The following MAML2 variants were observed in gnomAD, a reference collection of about 807,000 sequenced individuals.
The protein encoded by MAML2 is mastermind like transcriptional coactivator 2.
Under a neutral mutation model 96.1 loss-of-function variants are expected in MAML2, and 22 were observed. The observed-to-expected ratio is 0.23, with a 90% CI of 0.16 to 0.33. The LOEUF is 0.33. Ranked by LOEUF, MAML2 falls within the 10% of genes least tolerant of loss-of-function variation. The pLI is 1.00. For synonymous variants in MAML2, 561 were observed against 521.3 expected, an observed-to-expected ratio of 1.08 and a Z score of -1.04; for missense variants, 1,367 against 1,392.4, an observed-to-expected ratio of 0.98 and a Z score of 0.29.
At chr11:96,211,742 C>G (rs79006062) in intron 1 of MAML2, among the ~76,000 whole-genome samples, 2 of 152,062 alleles carry the variant, frequency 1.3e-5, no homozygotes, top group Non-Finnish European at 2.9e-5. Context: ...GAGCTCTAAT[C>G]CTGGAAATTG....
chr11:96,166,182 C>CACACACACAT (rs1241471222), intron 1 of MAML2, among the ~76,000 whole-genome samples: 15 of 145,106 alleles, frequency 1.0e-4, no homozygotes, highest in Admixed American at 4.2e-4. Flanking sequence ...CTCTCTCACA[C>CACACACACAT]ACACACACAC....
At chr11:96,180,082 G>A (rs1489197348) in intron 1 of MAML2, among the ~76,000 whole-genome samples, 1 of 152,208 alleles carries the variant, frequency 6.6e-6, no homozygotes, top group Non-Finnish European at 1.5e-5. Flanking sequence ...CCCTTCTGGA[G>A]TAATACTGAA....
chr11:96,327,304 T>G (rs1863798802), intron 1 of MAML2, among the ~76,000 whole-genome samples: 1 of 152,216 alleles, frequency 6.6e-6, no homozygotes, highest in Non-Finnish European at 1.5e-5. Context: ...AATGGGGGTC[T>G]CCTGTCACTC....
chr11:96,055,435 A>G (rs114758481), intron 2 of MAML2, among the ~76,000 whole-genome samples: 2,830 of 152,308 alleles, frequency 0.019, 89 homozygotes, highest in African/African-American at 0.065. Context: ...AGGGGGGAAA[A>G]AAAAGAGCCA....
chr11:96,154,636 A>G (rs1451922187), intron 1 of MAML2, among the ~76,000 whole-genome samples: 1 of 152,220 alleles, frequency 6.6e-6, no homozygotes, highest in Admixed American at 6.5e-5. Context: ...ATCTCAGTTC[A>G]GTTCAGTTCA....
At chr11:96,143,983 C>T (rs1860773962) in intron 1 of MAML2, among the ~76,000 whole-genome samples, 1 of 152,156 alleles carries the variant, frequency 6.6e-6, no homozygotes, top group South Asian at 2.1e-4. Flanking sequence ...CACAATTGCA[C>T]TAAGTATCAT....
intron 1 of MAML2, among the ~76,000 whole-genome samples, chr11:96,309,797 C>T (rs1863512749): frequency 6.6e-6 from 1 of 151,482 alleles, no homozygotes; most frequent in Non-Finnish European, 1.5e-5. Flanking sequence ...TCTCCAGGCT[C>T]AGGTATTCCT....
chr11:96,046,101 T>C (rs1174272424), intron 2 of MAML2, among the ~76,000 whole-genome samples: 4 of 152,024 alleles, frequency 2.6e-5, no homozygotes, highest in African/African-American at 4.8e-5. Flanking sequence ...TAAGAGAAAC[T>C]GGCAGGAGTA....
chr11:96,007,792 C>T (rs1480568007), intron 2 of MAML2, among the ~76,000 whole-genome samples: 6 of 147,834 alleles, frequency 4.1e-5, no homozygotes, highest in South Asian at 2.1e-4. Context: ...AACCAAACAC[C>T]GCATATTCTC....
At chr11:96,291,056 A>T (rs117399880) in intron 1 of MAML2, among the ~76,000 whole-genome samples, 4,314 of 151,944 alleles carry the variant, frequency 0.028, 80 homozygotes, top group South Asian at 0.048. Flanking sequence ...AAGACTTGAA[A>T]AATAGAATTA....
intron 1 of MAML2, among the ~76,000 whole-genome samples, chr11:96,316,216 T>C (rs1177428910): frequency 6.6e-6 from 1 of 152,200 alleles, no homozygotes; most frequent in African/African-American, 2.4e-5. Flanking sequence ...GTCAGGGTAC[T>C]TGCTTGCCCA....
intron 1 of MAML2, among the ~76,000 whole-genome samples, chr11:96,185,276 T>C (rs1861556139): frequency 6.6e-6 from 1 of 152,162 alleles, no homozygotes; most frequent in Non-Finnish European, 1.5e-5. Context: ...GGAACTGCCT[T>C]TCTAGAAAAG....
At chr11:96,114,037 A>G (rs546057174) in intron 1 of MAML2, among the ~76,000 whole-genome samples, 1 of 150,976 alleles carries the variant, frequency 6.6e-6, no homozygotes, top group African/African-American at 2.4e-5. Flanking sequence ...AAAAAAAATC[A>G]GGGAAACAGG....
chr11:96,331,749 C>A (rs747392646), intron 1 of MAML2, among the ~76,000 whole-genome samples: 5 of 145,184 alleles, frequency 3.4e-5, no homozygotes, highest in African/African-American at 1.3e-4. Context: ...ACCCAGGAGG[C>A]GGCGGTTGCA....
intron 1 of MAML2, among the ~76,000 whole-genome samples, chr11:96,272,205 T>C (rs1200149063): frequency 1.3e-5 from 2 of 152,220 alleles, no homozygotes; most frequent in Non-Finnish European, 2.9e-5. Flanking sequence ...TTTTCTCTGC[T>C]AGAATGTAAG....
At position 96,102,751 on chromosome 11, in the gene MAML2, T is replaced by C. The variant is rs145772894; in HGVS notation, c.514-9234A>G. 2.1e-4 allele frequency among the ~76,000 whole-genome samples: 32 copies of C among 152,316 alleles called. No homozygotes were observed. The East Asian group carries it at 6.2e-3, about 29-fold the overall frequency. ...TCATCCTGACTAGTTACTGCAATTG[T>C]TATAAAGCAAGGATCTGAGGGGACA... is the stretch of plus-strand genomic sequence containing the variant. On this transcript the variant is annotated intron_variant, in intron 1 of 4. Transcript: ENST00000524717.
intron 2 of MAML2, among the ~76,000 whole-genome samples, chr11:96,002,426 T>G (rs1298518120): frequency 2.0e-5 from 3 of 152,164 alleles, no homozygotes; most frequent in African/African-American, 4.8e-5. Context: ...TTTTTATGGG[T>G]GTGCCACCTT....
At position 96,091,990 on chromosome 11, in the gene MAML2, T is replaced by G; in HGVS notation, c.2041A>C (p.Arg681=). 1 of 1,595,880 alleles carries G rather than the reference T, an allele frequency of 6.3e-7. No individual in the cohort carries two copies. The highest frequency in any genetic ancestry group is 8.5e-7 in the Non-Finnish European group (1 of 1,170,822). The change falls in exon 2 of 5, where the codon AGG becomes CGG. Residue 681 remains arginine, a synonymous_variant. Transcript: ENST00000524717. ...AQSLPSQPLL[R]SPLPLQQKLL... ...TTTTGCTGAAGTGGCAAAGGTGACC[T>G]TAGCAAAGGCTGGCTTGGTAGAGAT... is the stretch of plus-strand genomic sequence containing the variant.
intron 1 of MAML2, among the ~76,000 whole-genome samples, chr11:96,225,694 G>A (rs977745270): frequency 2.1e-4 from 32 of 152,108 alleles, no homozygotes; most frequent in Admixed American, 1.4e-3. Context: ...TTAGCTGGGC[G>A]TGGTGGCGGA....
Sources: allele counts gnomAD v4.1 joint callset (sites outside exome capture counted in the v4.1 genomes callset), GRCh38; gene constraint gnomAD v4.1.1; transcripts MANE v1.5; gene names NCBI Gene and HGNC (gene_info 2026-07-23, HGNC 2026-07-21).